Variants in NOC3L observed in about 807,000 individuals in gnomAD.
The protein encoded by NOC3L is NOC3 like DNA replication regulator, also known as nucleolar complex protein 3 homolog.
NOC3L carries 85 observed loss-of-function variants against 102.5 expected under a neutral mutation model. That is an observed-to-expected ratio of 0.83 (90% CI 0.70 to 0.99). NOC3L has a LOEUF of 0.99. NOC3L is among the 50% of genes least tolerant of loss of function. The probability of loss-of-function intolerance (pLI) is 0.00; values close to 1 mark genes in which losing one functional copy is unlikely to be tolerated. For missense variants in NOC3L, 878 were observed against 914.9 expected, an observed-to-expected ratio of 0.96 and a Z score of 0.52; for synonymous variants, 303 against 309.4, an observed-to-expected ratio of 0.98 and a Z score of 0.22.
chr10:94,354,924 A>G lies in NOC3L; in HGVS notation c.696+39T>C, dbSNP rs2054465216. The G allele has an allele frequency of 5.7e-6, 9 of 1,589,202 alleles. No individual in the cohort carries two copies. In the East Asian group the frequency reaches 2.0e-4, roughly 36 times the overall value. The stretch of plus-strand genomic sequence containing the variant: ...CTTAACAATTAGGCATTTACACCAT[A>G]CCTAATACAAAGAGCCTAAAGAAAT... On this transcript the variant is annotated intron_variant, in intron 6 of 20. Coordinates refer to ENST00000371361, the MANE Select transcript of NOC3L (RefSeq NM_022451.11).
At chr10:94,335,940 A>G (rs574189527) in intron 19 of NOC3L, among the ~76,000 whole-genome samples, 20 of 152,280 alleles carry the variant, frequency 1.3e-4, no homozygotes, top group South Asian at 6.2e-4. Flanking sequence ...TTAACAGTCA[A>G]TGTGATGGTA....
At chr10:94,341,065 A>G (rs1049161946) in intron 14 of NOC3L, among the ~76,000 whole-genome samples, 1 of 151,916 alleles carries the variant, frequency 6.6e-6, no homozygotes, top group Non-Finnish European at 1.5e-5. Flanking sequence ...CCAGCTACTC[A>G]AAAGGCTAAA....
chr10:94,349,406 AGT>A, intron 9 of NOC3L, 28 bp from the exon 10 acceptor site: 1 of 1,564,674 alleles, frequency 6.4e-7, no homozygotes, highest in Non-Finnish European at 8.6e-7. Context: ...ATACTTAACC[AGT>A]GTTTCTCAAC....
At chr10:94,342,730 A>G (rs1259971917) in intron 13 of NOC3L, among the ~76,000 whole-genome samples, 1 of 121,862 alleles carries the variant, frequency 8.2e-6, no homozygotes, top group Admixed American at 7.8e-5. Context: ...TTACAAAACC[A>G]AAAAAAAAAA....
In NOC3L at chr10:94,362,924, A is replaced by C. The variant is rs11187904; in HGVS notation, c.-86T>G. Reference sequence around the variant, plus strand: ...ATCCCGGGGAATGACACACGTGCCGAAGTCCCTACACTACCAGAGCCGGAA... The same window carrying C: ...ATCCCGGGGAATGACACACGTGCCGCAGTCCCTACACTACCAGAGCCGGAA... On this transcript the variant is annotated 5_prime_UTR_variant, in exon 1 of 21. Coordinates refer to ENST00000371361, the MANE Select transcript of NOC3L (RefSeq NM_022451.11). 1 of 1,605,064 alleles carries C rather than the reference A, an allele frequency of 6.2e-7. No individual in the cohort carries two copies. Among genetic ancestry groups the C allele is most frequent in the Admixed American group, 1.7e-5 (1 of 59,976 alleles).
intron 19 of NOC3L, 36 bp from the exon 20 acceptor site, chr10:94,334,754 C>A (rs1352767342): frequency 7.3e-7 from 1 of 1,363,360 alleles, no homozygotes; most frequent in East Asian, 2.3e-5. Flanking sequence ...AAGATACCAC[C>A]ACATCTGTGT....
rs1187168939 is a variant in NOC3L at position 94,357,294 on chromosome 10, T to G, written c.388A>C (p.Ile130Leu). Residue 130 changes from isoleucine (I) to leucine (L), a missense_variant, in exon 4 of 21, where the codon ATT (isoleucine) becomes CTT (leucine). Ile to Leu is a conservative substitution (Grantham distance 5, BLOSUM62 2). Coordinates refer to ENST00000371361, the MANE Select transcript of NOC3L (RefSeq NM_022451.11). ...VHAKKRKHER[I>L]IDKYEKIPRT... ...GGTATTTTTTCATATTTATCTATAATGCGTTCATGCTTCCGTTTCTTCGCA... is the reference window on the plus strand; with the variant it reads ...GGTATTTTTTCATATTTATCTATAAGGCGTTCATGCTTCCGTTTCTTCGCA... 1 of 1,603,688 alleles carries G rather than the reference T, an allele frequency of 6.2e-7. No homozygotes were observed. The highest frequency in any genetic ancestry group is 1.7e-5 in the Admixed American group (1 of 58,778).
At chr10:94,358,437 C>A (rs2054514170) in intron 2 of NOC3L, among the ~76,000 whole-genome samples, 1 of 152,236 alleles carries the variant, frequency 6.6e-6, no homozygotes, top group African/African-American at 2.4e-5. Flanking sequence ...GCAAACAATT[C>A]TTTGTCGTAC....
chr10:94,321,840 TTGTC>T, the NOC3L span: 3 of 1,318,692 alleles, frequency 2.3e-6, no homozygotes, highest in Admixed American at 3.5e-5. Flanking sequence ...TTTGCTAGAT[TTGTC>T]TTTCTTTATT....
At chr10:94,357,880 ACT>A (rs2134011837) in intron 3 of NOC3L, 2 of 544,150 alleles carry the variant, frequency 3.7e-6, no homozygotes, top group South Asian at 4.5e-5. Flanking sequence ...GACTATTCAG[ACT>A]CAAAAGAAAG....
chr10:94,332,015 G>A (rs1226536197), downstream of NOC3L: 1 of 152,046 alleles, frequency 6.6e-6, no homozygotes, highest in Non-Finnish European at 1.5e-5. Context: ...GGGACTACAG[G>A]TGTGCGCCAT....
rs1481990568 is a variant in NOC3L at position 94,353,019 on chromosome 10, T to C, written c.735A>G (p.Glu245=). 6.8e-6 allele frequency: 11 copies of C among 1,613,082 alleles called. No individual in the cohort carries two copies. The highest frequency in any genetic ancestry group is 1.6e-4 in the Middle Eastern group (1 of 6,084). The change falls in exon 7 of 21, where the codon GAA becomes GAG. Residue 245 remains glutamate, a synonymous_variant. Transcript: ENST00000371361. The part of the protein sequence containing the change: ...KLKELRSMLM[E]QDPDVAVTVR... ...CAGTAACAGCCACATCAGGATCTTG[T>C]TCCATCAACATAGAACGTAATTCTT...
chr10:94,337,374 C>T (rs2054232230), intron 19 of NOC3L, among the ~76,000 whole-genome samples: 1 of 149,720 alleles, frequency 6.7e-6, no homozygotes, highest in South Asian at 2.1e-4. Context: ...AAAAAAAAGA[C>T]CGAGCGAGCG....
the NOC3L span, chr10:94,328,205 T>C: frequency 4.4e-5 from 14 of 315,986 alleles, no homozygotes; most frequent in East Asian, 5.3e-4. Flanking sequence ...TCGTCACGAA[T>C]TGACTTAGAG....
intron 19 of NOC3L, among the ~76,000 whole-genome samples, chr10:94,335,768 TC>T (rs1453892260): frequency 6.6e-6 from 1 of 152,042 alleles, no homozygotes; most frequent in Admixed American, 6.5e-5. Flanking sequence ...GCCAGAAAAA[TC>T]GGCCTGGCCC....
the NOC3L span, among the ~76,000 whole-genome samples, chr10:94,317,023 G>A: frequency 6.6e-6 from 1 of 152,204 alleles, no homozygotes; most frequent in Non-Finnish European, 1.5e-5. Flanking sequence ...GGCCGAGGTG[G>A]GTGGATCACT....
chr10:94,344,582 G>C, intron 12 of NOC3L, 67 bp from the exon 13 acceptor site: 1 of 1,108,004 alleles, frequency 9.0e-7, no homozygotes, highest in Non-Finnish European at 1.4e-6. Context: ...GTGAGCATAA[G>C]TATCACTTCA....
At chr10:94,320,307 T>C in the NOC3L span, among the ~76,000 whole-genome samples, 1 of 152,116 alleles carries the variant, frequency 6.6e-6, no homozygotes, top group East Asian at 1.9e-4. Flanking sequence ...AAAAATCAAA[T>C]GGATTTTTTC....
chr10:94,358,748 G>A (rs2054517164), intron 2 of NOC3L, among the ~76,000 whole-genome samples: 1 of 152,088 alleles, frequency 6.6e-6, no homozygotes, highest in Non-Finnish European at 1.5e-5. Context: ...TACTTCCACA[G>A]CACTTCTTCC....
Sources: allele counts gnomAD v4.1 joint callset (sites outside exome capture counted in the v4.1 genomes callset), GRCh38; gene constraint gnomAD v4.1.1; transcripts MANE v1.5; gene names NCBI Gene and HGNC (gene_info 2026-07-23, HGNC 2026-07-21).